PALMD: variants seen among roughly 807,000 people sequenced by gnomAD.
The protein encoded by PALMD is palmdelphin.
In PALMD, 42 loss-of-function variants were observed where a neutral mutation model predicts 56.2. That is an observed-to-expected ratio of 0.75 (90% CI 0.58 to 0.97). PALMD has a LOEUF of 0.97. Among genes scored for constraint, PALMD ranks in the 50% least tolerant of loss-of-function variants. The pLI, the probability that PALMD is intolerant of heterozygous loss-of-function variation, is 0.00. For missense variants in PALMD, 660 were observed against 643.8 expected (o/e 1.03, Z -0.27); for synonymous variants, 242 against 222.9 (o/e 1.09, Z -0.76).
chr1:99,692,640 T>C (rs976001882), intron 7 of PALMD, among the ~76,000 whole-genome samples: 3 of 152,178 alleles, frequency 2.0e-5, no homozygotes, highest in African/African-American at 7.2e-5. Flanking sequence ...TACGGAATCT[T>C]ACAGTGAGGA....
At chr1:99,676,321 A>G (rs560309952) in intron 3 of PALMD, among the ~76,000 whole-genome samples, 4 of 152,228 alleles carry the variant, frequency 2.6e-5, no homozygotes, top group East Asian at 1.9e-4. Context: ...GACACCAGCC[A>G]TATTGGATAG....
rs143990967 is a variant in PALMD, at chr1:99,667,693, G to T, written c.178G>T (p.Glu60Ter). The T allele has an allele frequency of 1.2e-6, 2 of 1,613,334 alleles. No homozygotes were observed. The highest frequency in any genetic ancestry group is 1.1e-5 in the South Asian group (1 of 91,046). ...WLLDGISSGK[E>*]QEEMKKQNQQ... ...TCTAGATGGAATCAGCAGCGGAAAA[G>T]AACAGGAAGAGATGAAGAAGCAAAA... Residue 60 changes from glutamate to a stop codon, truncating the protein, a stop_gained, in exon 3 of 8, where the codon GAA (glutamate) becomes TAA (stop). Coordinates refer to ENST00000263174, the MANE Select transcript of PALMD (RefSeq NM_017734.5). LOFTEE classifies it high-confidence loss of function.
At chr1:99,661,735 A>G (rs2100858793) in intron 1 of PALMD, among the ~76,000 whole-genome samples, 1 of 152,310 alleles carries the variant, frequency 6.6e-6, no homozygotes, top group Non-Finnish European at 1.5e-5. Context: ...AAGATACAAC[A>G]TATCTTCATG....
chr1:99,685,832 C>G (rs1557674775), intron 3 of PALMD: 1 of 152,218 alleles, frequency 6.6e-6, no homozygotes, highest in Non-Finnish European at 1.5e-5. Context: ...AAGGGCCAGC[C>G]TTCTGCGTGA....
At chr1:99,687,214 G>C in intron 6 of PALMD, 25 bp downstream of exon 6, 1 of 1,571,762 alleles carries the variant, frequency 6.4e-7, no homozygotes, top group Non-Finnish European at 8.6e-7. Context: ...TGTGTTGAAG[G>C]GCATGTTCTT....
At chr1:99,660,338 G>A (rs544025443) in intron 1 of PALMD, among the ~76,000 whole-genome samples, 3 of 152,348 alleles carry the variant, frequency 2.0e-5, no homozygotes, top group South Asian at 2.1e-4. Context: ...TCCTGGCTCC[G>A]ACAATTGTCA....
intron 7 of PALMD, 23 bp from the exon 8 acceptor site, chr1:99,693,996 C>CTTT: frequency 6.5e-7 from 1 of 1,529,672 alleles, no homozygotes; most frequent in Non-Finnish European, 8.9e-7. Context: ...TTATAACTCT[C>CTTT]TTTTTTTTTC....
At chr1:99,652,651 GAAAGA>G (rs1418838242) in intron 1 of PALMD, among the ~76,000 whole-genome samples, 11 of 99,974 alleles carry the variant, frequency 1.1e-4, no homozygotes, top group Admixed American at 2.2e-4. Flanking sequence ...AAAGAAAAAA[GAAAGA>G]AAAGAAAGGA....
rs1557674113 is a variant in PALMD, at chr1:99,683,154, GAAAGAAAGAAA to G, written c.252-3521_252-3511del. On this transcript the variant is annotated intron_variant, in intron 3 of 7. Transcript: ENST00000263174. Reference sequence around the variant, plus strand: ...AGAAAGAAAGAAAGAAAGAAAGAAAGAAAGAAAGAAAGAAACGAACACCCTATGAAGTTGTT... The same window carrying G: ...AGAAAGAAAGAAAGAAAGAAAGAAAGGAAACGAACACCCTATGAAGTTGTT... 2.1e-3 allele frequency: 277 copies of G among 130,502 alleles called. 16 individuals are homozygous for G. The highest frequency in any genetic ancestry group is 4.5e-3 in the Middle Eastern group (1 of 224). The allele number at this position is 130,502 out of a possible 1,614,324, so 8.1% of individuals were successfully genotyped here. A position where few individuals can be genotyped will look rare whatever the true frequency, so the allele number is the denominator to read the frequency against.
At chr1:99,650,888 G>A (rs1464814091) in intron 1 of PALMD, among the ~76,000 whole-genome samples, 1 of 152,154 alleles carries the variant, frequency 6.6e-6, no homozygotes, top group Non-Finnish European at 1.5e-5. Flanking sequence ...ACTAGTCTGT[G>A]TCTTTAACAA....
At chr1:99,693,870 A>G (rs1653719074) in intron 7 of PALMD, 149 bp from the exon 8 acceptor site, 1 of 626,440 alleles carries the variant, frequency 1.6e-6, no homozygotes, top group Non-Finnish European at 2.9e-6. Flanking sequence ...TATTTCTACT[A>G]TCTTTTTGTG....
chr1:99,678,689 G>A (rs774512325), intron 3 of PALMD, among the ~76,000 whole-genome samples: 56 of 152,114 alleles, frequency 3.7e-4, no homozygotes, highest in Non-Finnish European at 6.5e-4. Flanking sequence ...ACCACCAGCT[G>A]TTTCCTGTTC....
intron 3 of PALMD, among the ~76,000 whole-genome samples, chr1:99,671,467 A>C (rs1269618501): frequency 2.0e-5 from 3 of 152,186 alleles, no homozygotes; most frequent in African/African-American, 7.2e-5. Flanking sequence ...TGCCTGACAC[A>C]TGGAGGTGTA....
rs777891831 is a variant in PALMD at position 99,689,865 on chromosome 1, C to A, written c.1605C>A (p.Ser535=). ...CTGGAGATGGGACTGAGGATCCATC[C>A]TTAACAGGTAATAAAAATGACAAGG... ...QTTGDGTEDP[S]LTALRMRMAK... Residue 535 remains serine, a synonymous_variant, in exon 7 of 8, where the codon TCC becomes TCA. Transcript: ENST00000263174. 7 of 1,596,300 alleles carry A rather than the reference C, an allele frequency of 4.4e-6. No individual in the cohort carries two copies. In the African/African-American group the frequency reaches 9.5e-5, roughly 22 times the overall value.
At chr1:99,669,800 C>T (rs1040842231) in intron 3 of PALMD, 10 of 152,220 alleles carry the variant, frequency 6.6e-5, no homozygotes. Flanking sequence ...GAGCTCCTTC[C>T]TAACCAAAAA....
At chr1:99,671,649 T>G (rs958811538) in intron 3 of PALMD, among the ~76,000 whole-genome samples, 1 of 152,214 alleles carries the variant, frequency 6.6e-6, no homozygotes, top group Non-Finnish European at 1.5e-5. Context: ...TGAGGATTCT[T>G]TCCATTTGGA....
At chr1:99,646,822 G>A (rs188828330) in intron 1 of PALMD, among the ~76,000 whole-genome samples, 1 of 152,250 alleles carries the variant, frequency 6.6e-6, no homozygotes, top group Admixed American at 6.5e-5. Flanking sequence ...TATATTTGTA[G>A]TGTGGTAGCA....
At chr1:99,659,503 C>T (rs144192571) in intron 1 of PALMD, among the ~76,000 whole-genome samples, 1 of 152,246 alleles carries the variant, frequency 6.6e-6, no homozygotes, top group African/African-American at 2.4e-5. Context: ...AGAAGTGCTC[C>T]AGGTTCTGGG....
At chr1:99,656,230 C>T (rs2100855707) in intron 1 of PALMD, among the ~76,000 whole-genome samples, 1 of 152,138 alleles carries the variant, frequency 6.6e-6, no homozygotes, top group African/African-American at 2.4e-5. Context: ...ATCTATCTTC[C>T]CTCTTGAAAT....
Sources: gnomAD v4.1 joint callset for allele counts (sites outside exome capture counted in the v4.1 genomes callset) on GRCh38, gnomAD v4.1.1 for gene constraint, MANE v1.5 for transcripts, NCBI Gene and HGNC (gene_info 2026-07-23, HGNC 2026-07-21) for gene names.